Variants in KIAA1328 observed in about 807,000 individuals in gnomAD.
The protein encoded by KIAA1328 is protein hinderin.
A neutral mutation model predicts 68.1 loss-of-function variants in KIAA1328; 52 were observed. The observed-to-expected ratio is 0.76, with a 90% confidence interval of 0.61 to 0.96. The LOEUF is 0.96. Ranked by LOEUF, KIAA1328 falls within the 40% of genes least tolerant of loss-of-function variation. The pLI, the probability that KIAA1328 is intolerant of heterozygous loss-of-function variation, is 0.00. For missense variants in KIAA1328, 641 were observed against 677.6 expected (o/e 0.95, Z 0.60); for synonymous variants, 232 against 239.4 (o/e 0.97, Z 0.28).
At chr18:37,174,559 GGATTTTTATTTT>G (rs373580231) in intron 9 of KIAA1328, among the ~76,000 whole-genome samples, 36,643 of 141,016 alleles carry the variant, frequency 0.26, 6,956 homozygotes, top group African/African-American at 0.54. Flanking sequence ...ATTTTTTTTT[GGATTTTTATTTT>G]TATTTTTATT....
At chr18:37,086,626 G>A (rs554520848) in intron 7 of KIAA1328, among the ~76,000 whole-genome samples, 4 of 152,194 alleles carry the variant, frequency 2.6e-5, no homozygotes, top group Non-Finnish European at 5.9e-5. Context: ...TAATCTTTTT[G>A]TGTCACACCT....
rs1181713647 is a variant in KIAA1328, at chr18:37,076,209, T to G, written c.1232+8664T>G. Among the ~76,000 whole-genome samples, 32 of 152,304 alleles carry G rather than the reference T, an allele frequency of 2.1e-4. 1 individual carries two copies. Among genetic ancestry groups the G allele is most frequent in the Admixed American group, 4.6e-4 (7 of 15,288 alleles). On this transcript the variant is annotated intron_variant, in intron 7 of 9. Coordinates refer to ENST00000280020, the MANE Select transcript of KIAA1328 (RefSeq NM_020776.3). Reference sequence around the variant, plus strand: ...CAAAACCACTCAACTACATGGAAACTGAACAACCTGCTCCTGAATGACTAC... The same window carrying G: ...CAAAACCACTCAACTACATGGAAACGGAACAACCTGCTCCTGAATGACTAC...
intron 3 of KIAA1328, among the ~76,000 whole-genome samples, chr18:36,842,394 TC>T (rs2046888910): frequency 2.0e-5 from 3 of 152,178 alleles, no homozygotes; most frequent in Admixed American, 2.0e-4. Context: ...GAAGTAGCCT[TC>T]CTTCTTTCTT....
At chr18:37,160,410 G>T (rs1441888278) in intron 8 of KIAA1328, 29 bp downstream of exon 8, 9 of 1,585,188 alleles carry the variant, frequency 5.7e-6, no homozygotes, top group Non-Finnish European at 7.7e-6. Context: ...GTGGCAAAAT[G>T]AGAAACTGGT....
chr18:37,062,707 G>A (rs1308854363), intron 6 of KIAA1328, among the ~76,000 whole-genome samples: 2 of 151,974 alleles, frequency 1.3e-5, no homozygotes, highest in Admixed American at 6.6e-5. Context: ...TGCCTGCCTC[G>A]GCCTCCCAAA....
intron 7 of KIAA1328, among the ~76,000 whole-genome samples, chr18:37,110,681 GGATA>G (rs2057905740): frequency 6.6e-6 from 1 of 152,110 alleles, no homozygotes; most frequent in African/African-American, 2.4e-5. Flanking sequence ...GGAATTTTCT[GGATA>G]GATAGGATGG....
At chr18:36,889,784 A>G (rs2048620493) in intron 5 of KIAA1328, among the ~76,000 whole-genome samples, 2 of 152,202 alleles carry the variant, frequency 1.3e-5, no homozygotes, top group Non-Finnish European at 2.9e-5. Context: ...GGATGAGATG[A>G]CTAACCCAGG....
At chr18:36,997,411 G>T (rs995535880) in intron 6 of KIAA1328, among the ~76,000 whole-genome samples, 1 of 152,138 alleles carries the variant, frequency 6.6e-6, no homozygotes, top group Non-Finnish European at 1.5e-5. Context: ...CAGGGAAAGG[G>T]TGAGTGAGAG....
intron 6 of KIAA1328, among the ~76,000 whole-genome samples, chr18:37,036,238 G>A (rs370680326): frequency 2.0e-5 from 3 of 152,278 alleles, no homozygotes; most frequent in African/African-American, 2.4e-5. Context: ...GAAAGGTAAC[G>A]TTGTTACATC....
At chr18:37,033,514 C>T (rs930880723) in intron 6 of KIAA1328, among the ~76,000 whole-genome samples, 1 of 152,152 alleles carries the variant, frequency 6.6e-6, no homozygotes, top group Non-Finnish European at 1.5e-5. Context: ...TCAGTAAGAT[C>T]GAGTGTCCTG....
chr18:37,035,312 A>C (rs1333051953), intron 6 of KIAA1328, among the ~76,000 whole-genome samples: 3 of 152,198 alleles, frequency 2.0e-5, no homozygotes, highest in Non-Finnish European at 4.4e-5. Context: ...ACTTTTGAAA[A>C]ATGCAAATCC....
chr18:37,085,886 ATATATC>A (rs1423700742), intron 7 of KIAA1328, among the ~76,000 whole-genome samples: 2 of 152,020 alleles, frequency 1.3e-5, no homozygotes, highest in African/African-American at 4.8e-5. Flanking sequence ...TGTCCTCTCA[ATATATC>A]TATATCAAAA....
Position 36,916,651 on chromosome 18 carries a change from A to C in KIAA1328, c.448+30979A>C, listed in dbSNP as rs569492595. ...AGAAATAAACCCATTTAATCCTTAC[A>C]TGTGGGTCAGGAGCTATTATCATCT... On this transcript the variant is annotated intron_variant, in intron 5 of 9. Transcript: ENST00000280020. 9.8e-5 allele frequency among the ~76,000 whole-genome samples: 15 copies of C among 152,294 alleles called. 1 individual carries two copies. Among genetic ancestry groups the C allele is most frequent in the African/African-American group, 3.4e-4 (14 of 41,566 alleles).
At chr18:36,993,716 A>G (rs1598917745) in intron 6 of KIAA1328, among the ~76,000 whole-genome samples, 2 of 152,300 alleles carry the variant, frequency 1.3e-5, no homozygotes, top group East Asian at 3.9e-4. Context: ...TTGGGAGGAA[A>G]TCACTGGATC....
chr18:37,030,662 G>A (rs1404150600), intron 6 of KIAA1328, among the ~76,000 whole-genome samples: 1 of 151,990 alleles, frequency 6.6e-6, no homozygotes, highest in African/African-American at 2.4e-5. Flanking sequence ...TATCAGTAGG[G>A]TCAATATTTT....
At chr18:37,027,102 T>G (rs1182095785) in intron 6 of KIAA1328, among the ~76,000 whole-genome samples, 1 of 152,092 alleles carries the variant, frequency 6.6e-6, no homozygotes, top group African/African-American at 2.4e-5. Context: ...AAATCATGAG[T>G]GAACTCCTAT....
At chr18:36,877,041 CTGTT>C (rs1359493450) in intron 4 of KIAA1328, among the ~76,000 whole-genome samples, 1 of 152,098 alleles carries the variant, frequency 6.6e-6, no homozygotes, top group Non-Finnish European at 1.5e-5. Context: ...GTCTGTGAGA[CTGTT>C]TATTATGATT....
intron 7 of KIAA1328, among the ~76,000 whole-genome samples, chr18:37,132,237 TG>T (rs1354062239): frequency 1.3e-5 from 2 of 152,208 alleles, no homozygotes; most frequent in Non-Finnish European, 2.9e-5. Flanking sequence ...CAAAAGGTCT[TG>T]TAGCATGCTT....
intron 7 of KIAA1328, among the ~76,000 whole-genome samples, chr18:37,150,631 GA>G (rs1469941517): frequency 2.0e-5 from 3 of 151,216 alleles, no homozygotes; most frequent in Non-Finnish European, 4.4e-5. Flanking sequence ...TTAAGTTCAG[GA>G]ATATGTAAAA....
Sources: allele counts gnomAD v4.1 joint callset (sites outside exome capture counted in the v4.1 genomes callset), GRCh38; gene constraint gnomAD v4.1.1; transcripts MANE v1.5; gene names NCBI Gene and HGNC (gene_info 2026-07-23, HGNC 2026-07-21).